Variants in LAMC2 observed in about 807,000 individuals in gnomAD.
LAMC2 encodes laminin subunit gamma 2.
LAMC2 carries 97 observed loss-of-function variants against 140.2 expected under a neutral mutation model. That is an observed-to-expected ratio of 0.69 (90% CI 0.59 to 0.82). The LOEUF (loss-of-function observed/expected upper bound fraction) is 0.82. Ranked by LOEUF, LAMC2 falls within the 40% of genes least tolerant of loss-of-function variation. LAMC2 has a pLI of 0.00. For missense variants in LAMC2, 1,402 were observed against 1,476.1 expected, an observed-to-expected ratio of 0.95 and a Z score of 0.82; for synonymous variants, 513 against 540.2, an observed-to-expected ratio of 0.95 and a Z score of 0.70.
intron 1 of LAMC2, among the ~76,000 whole-genome samples, chr1:183,200,246 C>T (rs148244796): frequency 8.5e-5 from 13 of 152,106 alleles, no homozygotes; most frequent in East Asian, 3.9e-4. Flanking sequence ...CAAAATCAGC[C>T]GGGCATGGTG....
intron 1 of LAMC2, among the ~76,000 whole-genome samples, chr1:183,199,663 A>T (rs1474257328): frequency 5.3e-5 from 8 of 152,220 alleles, no homozygotes. Flanking sequence ...GGATAGAACG[A>T]GGCAAATGCT....
chr1:183,212,771 C>T lies in LAMC2; in HGVS notation c.269-2682C>T, dbSNP rs987195415. Among the ~76,000 whole-genome samples the T allele has an allele frequency of 4.6e-5, 7 of 152,180 alleles. 1 individual carries two copies. The highest frequency in any genetic ancestry group is 8.8e-5 in the Non-Finnish European group (6 of 68,040). ...AACTCATTATCTTCTCTTGATAATTCAACCTGAGGTCTTGGTCCTCCTCCT... is the reference window on the plus strand; with the variant it reads ...AACTCATTATCTTCTCTTGATAATTTAACCTGAGGTCTTGGTCCTCCTCCT... On this transcript the variant is annotated intron_variant, in intron 2 of 22. Coordinates refer to ENST00000264144, the MANE Select transcript of LAMC2 (RefSeq NM_005562.3).
intron 1 of LAMC2, among the ~76,000 whole-genome samples, chr1:183,205,210 G>C (rs1399476541): frequency 6.6e-6 from 1 of 152,188 alleles, no homozygotes; most frequent in East Asian, 1.9e-4. Context: ...GAGGGCATTG[G>C]CTCATTGGGT....
chr1:183,221,042 A>G, intron 5 of LAMC2, 81 bp downstream of exon 5: 1 of 1,288,960 alleles, frequency 7.8e-7, no homozygotes, highest in Non-Finnish European at 1.1e-6. Context: ...CTCCGCATTC[A>G]CAGGATGGAT....
At position 183,222,115 on chromosome 1, in the gene LAMC2, C is replaced by T. The variant is rs753268823; in HGVS notation, c.667C>T (p.Arg223Ter). 1.9e-6 allele frequency: 3 copies of T among 1,614,100 alleles called. No individual in the cohort carries two copies. The highest frequency in any genetic ancestry group is 2.5e-6 in the Non-Finnish European group (3 of 1,179,998). The change falls in exon 6 of 23, where the codon CGA (arginine) becomes TGA (stop). Residue 223 changes from arginine to a stop codon, truncating the protein, a stop_gained. Coordinates refer to ENST00000264144, the MANE Select transcript of LAMC2 (RefSeq NM_005562.3). LOFTEE classifies it high-confidence loss of function. ...TGTTGATGGCTGGAAGGCTGTCCAA[C>T]GAAATGGGTCTCCTGCAAAGCTCCA... ...QDVDGWKAVQ[R>*]NGSPAKLQWS...
At chr1:183,192,711 T>C (rs562045777) in intron 1 of LAMC2, among the ~76,000 whole-genome samples, 3 of 152,378 alleles carry the variant, frequency 2.0e-5, no homozygotes, top group Admixed American at 2.0e-4. Context: ...TTTCTCATTT[T>C]TCTTTTTTTG....
At chr1:183,240,740 CAGAGGAATAACATCACCA>C in intron 22 of LAMC2, 2 of 1,139,322 alleles carry the variant, frequency 1.8e-6, no homozygotes, top group Non-Finnish European at 2.2e-6. Flanking sequence ...CAGTTTTAAG[CAGAGGAATAACATCACCA>C]CTGTATATTT....
At chr1:183,252,583 G>T in the LAMC2 span, 2 of 1,204,284 alleles carry the variant, frequency 1.7e-6, no homozygotes, top group Non-Finnish European at 1.2e-6. Context: ...AGGCAGGAGA[G>T]AAACAGGGGG....
At chr1:183,245,998 T>C (rs773049505), downstream of LAMC2, among the ~76,000 whole-genome samples, 1 of 152,044 alleles carries the variant, frequency 6.6e-6, no homozygotes, top group Non-Finnish European at 1.5e-5. Context: ...TGAAACCCCG[T>C]CTCTACTAAA....
Position 183,207,876 on chromosome 1 carries a change from C to T in LAMC2, c.80-5C>T. On this transcript the variant is annotated splice_region_variant and splice_polypyrimidine_tract_variant and intron_variant, in intron 1 of 22. Transcript: ENST00000264144. ...GACGATCTCTTTTGTATGCTTCCTC[C>T]CCAGTCTGTGATTGCAATGGGAAGT... 6.2e-7 allele frequency: 1 copy of T among 1,603,042 alleles called. No homozygotes were observed. Among genetic ancestry groups the T allele is most frequent in the Non-Finnish European group, 8.5e-7 (1 of 1,174,302 alleles).
Position 183,227,617 on chromosome 1 carries a change from C to T in LAMC2, c.1388C>T (p.Pro463Leu). 6.2e-7 allele frequency: 1 copy of T among 1,614,156 alleles called. No individual in the cohort carries two copies. ...GACCCCCGCAGCTGCAAGCCATGTCCCTGTCATAACGGGTTCAGCTGCTCA... is the reference window on the plus strand; with the variant it reads ...GACCCCCGCAGCTGCAAGCCATGTCTCTGTCATAACGGGTTCAGCTGCTCA... ...PHDPRSCKPC[P>L]CHNGFSCSVM... is the part of the protein sequence containing the mutation. Residue 463 changes from proline to leucine, a missense_variant, in exon 10 of 23, where the codon CCC (proline) becomes CTC (leucine). Around this residue, in one of 3 missense-constraint regions of LAMC2, gnomAD observed 723 missense variants for 783.3 expected, o/e 0.92. Transcript: ENST00000264144.
rs554282504 is a variant in LAMC2 at position 183,232,532 on chromosome 1, G to C, written c.2015-120G>C. The stretch of plus-strand genomic sequence containing the variant: ...AATGATGGTGATAAAAGAATGGTTG[G>C]ATGCATTTCTCTATTGGGTTTTTGT... On this transcript the variant is annotated intron_variant, in intron 13 of 22. Coordinates refer to ENST00000264144, the MANE Select transcript of LAMC2 (RefSeq NM_005562.3). 44 of 1,092,490 alleles carry C rather than the reference G, an allele frequency of 4.0e-5. No homozygotes were observed. In the Admixed American group the frequency reaches 4.7e-4, roughly 12 times the overall value. 67.7% of individuals were successfully genotyped at this position (1,092,490 alleles called of 1,614,324 possible). A position where few individuals can be genotyped will look rare whatever the true frequency, so the allele number is the denominator to read the frequency against.
chr1:183,199,476 C>T (rs955623493), intron 1 of LAMC2, among the ~76,000 whole-genome samples: 8 of 151,880 alleles, frequency 5.3e-5, no homozygotes, highest in African/African-American at 1.9e-4. Context: ...TCTCTTTCTT[C>T]CTTCCTTCCC....
chr1:183,232,127 G>A, intron 12 of LAMC2, 60 bp from the exon 13 acceptor site: 1 of 1,596,722 alleles, frequency 6.3e-7, no homozygotes, highest in Non-Finnish European at 8.6e-7. Flanking sequence ...ACCTGGTATT[G>A]GATGATCCCT....
chr1:183,255,870 G>A, the LAMC2 span, among the ~76,000 whole-genome samples: 2 of 151,682 alleles, frequency 1.3e-5, no homozygotes, highest in Admixed American at 1.3e-4. Context: ...CACCATATTG[G>A]CCAGACTGGT....
intron 15 of LAMC2, among the ~76,000 whole-genome samples, chr1:183,235,311 T>C (rs1334750794): frequency 6.8e-6 from 1 of 146,132 alleles, no homozygotes; most frequent in Non-Finnish European, 1.5e-5. Flanking sequence ...CTCCCACCCA[T>C]CTCCACACTC....
rs540011253 is a variant in LAMC2, at chr1:183,220,062, G to A, written c.504-763G>A. On this transcript the variant is annotated intron_variant, in intron 4 of 22. Transcript: ENST00000264144. ...TAAATAAATAATCATTGAAACTATC[G>A]TTATTTCACATTATTTCATGTGGAA... Among the ~76,000 whole-genome samples the A allele has an allele frequency of 5.3e-5, 8 of 152,294 alleles. No individual in the cohort carries two copies. In the East Asian group the frequency reaches 1.2e-3, roughly 22 times the overall value.
intron 3 of LAMC2, among the ~76,000 whole-genome samples, chr1:183,218,038 G>A (rs542063779): frequency 6.6e-6 from 1 of 152,324 alleles, no homozygotes; most frequent in African/African-American, 2.4e-5. Flanking sequence ...GGAAACAAAT[G>A]ATAATTTTTT....
chr1:183,228,605 C>T lies in LAMC2; in HGVS notation c.1700C>T (p.Ala567Val). The T allele has an allele frequency of 6.2e-7, 1 of 1,614,092 alleles. No homozygotes were observed. Among genetic ancestry groups the T allele is most frequent in the Non-Finnish European group, 8.5e-7 (1 of 1,180,034 alleles). The part of the protein sequence containing the change: ...YFGDPLAPNP[A>V]DKCRACNCNP... ...GGGGACCCATTGGCTCCCAACCCAG[C>T]AGACAAGTGTCGAGGTAGGACTCCA... Residue 567 changes from alanine to valine, a missense_variant, in exon 11 of 23, where the codon GCA becomes GTA. Physicochemically the swap from Ala to Val is moderately conservative, Grantham distance 64 (BLOSUM62 0). This residue lies in a region of LAMC2 where 723 missense variants were observed against 783.3 expected (regional missense o/e 0.92). Transcript: ENST00000264144. This position sits in a 1 kb window ranked among gnomAD's most constrained non-coding sequence, Gnocchi z 4.3.
Sources: gnomAD v4.1 joint callset for allele counts (sites outside exome capture counted in the v4.1 genomes callset) on GRCh38, gnomAD v4.1.1 for gene constraint, gnomAD v4.1.1 regional missense constraint, Gnocchi (gnomAD v3.1) non-coding constraint, MANE v1.5 for transcripts, NCBI Gene and HGNC (gene_info 2026-07-23, HGNC 2026-07-21) for gene names.